The following ERN1 variants were observed in gnomAD, a reference collection of about 807,000 sequenced individuals.
The protein encoded by ERN1 is endoplasmic reticulum to nucleus signaling 1.
ERN1 carries 39 observed loss-of-function variants against 113.1 expected under a neutral mutation model. That is an observed-to-expected ratio of 0.34 (90% CI 0.27 to 0.45). ERN1 has a LOEUF of 0.45. Among genes scored for constraint, ERN1 ranks in the 20% least tolerant of loss-of-function variants. ERN1 has a pLI of 1.00. For synonymous variants in ERN1, 507 were observed against 515.9 expected (o/e 0.98, Z 0.23); for missense variants, 976 against 1,274.8 (o/e 0.77, Z 3.57).
chr17:64,092,875 C>T lies in ERN1; in HGVS notation c.175+5246G>A, dbSNP rs991602540. Among the ~76,000 whole-genome samples, 5 of 152,140 alleles carry T rather than the reference C, an allele frequency of 3.3e-5. No individual in the cohort carries two copies. The South Asian group carries it at 1.0e-3, about 32-fold the overall frequency. On this transcript the variant is annotated intron_variant, in intron 2 of 21. Coordinates refer to ENST00000433197, the MANE Select transcript of ERN1 (RefSeq NM_001433.5). ...GCAACATTCTCAGTTTGCATTTCGT[C>T]TAAAAGTACAGAGATGAAATATATT...
chr17:64,118,170 C>G (rs1442571628), intron 1 of ERN1, among the ~76,000 whole-genome samples: 1 of 152,124 alleles, frequency 6.6e-6, no homozygotes, highest in East Asian at 1.9e-4. Flanking sequence ...CATTTGGAAA[C>G]AGGCCCACCA....
chr17:64,100,295 T>C (rs1412129618), intron 1 of ERN1, among the ~76,000 whole-genome samples: 1 of 152,082 alleles, frequency 6.6e-6, no homozygotes, highest in African/African-American at 2.4e-5. Context: ...GGCTGGATTA[T>C]GTTAGGTGTG....
At chr17:64,086,708 A>G (rs570099824) in intron 2 of ERN1, among the ~76,000 whole-genome samples, 23 of 118,278 alleles carry the variant, frequency 1.9e-4, no homozygotes, top group South Asian at 6.0e-4. Flanking sequence ...GTGCAGTGGC[A>G]CAATCTCAGC....
chr17:64,085,576 T>C (rs912048219), intron 2 of ERN1, among the ~76,000 whole-genome samples: 1 of 152,146 alleles, frequency 6.6e-6, no homozygotes, highest in Non-Finnish European at 1.5e-5. Flanking sequence ...GAGGGTCAAA[T>C]ATTCAAACTA....
chr17:64,085,199 G>C (rs1913887605), intron 2 of ERN1, among the ~76,000 whole-genome samples: 5 of 152,120 alleles, frequency 3.3e-5, no homozygotes, highest in Admixed American at 3.3e-4. Context: ...TTCCTATAAA[G>C]GAATACCTGA....
In ERN1 at chr17:64,098,191, C is replaced by T. The variant is rs760901539; in HGVS notation, c.105G>A (p.Val35=). 1.2e-6 allele frequency: 2 copies of T among 1,613,952 alleles called. No individual in the cohort carries two copies. The highest frequency in any genetic ancestry group is 1.7e-6 in the Non-Finnish European group (2 of 1,179,872). ...TVTLPETLLF[V]STLDGSLHAV... is the part of the protein sequence containing the mutation. Reference sequence around the variant, plus strand: ...CATGCAAACTTCCATCCAGCGTTGACACAAACAACAAGGTTTCAGGAAGCG... The same window carrying T: ...CATGCAAACTTCCATCCAGCGTTGATACAAACAACAAGGTTTCAGGAAGCG... Residue 35 remains valine (V), a synonymous_variant, in exon 2 of 22, where the codon GTG becomes GTA. Coordinates refer to ENST00000433197, the MANE Select transcript of ERN1 (RefSeq NM_001433.5).
chr17:64,054,232 TA>T lies in ERN1; in HGVS notation c.1953+17del, dbSNP rs745334757. On this transcript the variant is annotated intron_variant, in intron 15 of 21. Transcript: ENST00000433197. The surrounding 1 kb of genome is among the most constrained non-coding windows in gnomAD (Gnocchi z 4.9). ...TATGACTTTAATAAAGTTAACAAAATAAAAAAAATAAATCCACCTCTTGCAG... is the reference window on the plus strand; with the variant it reads ...TATGACTTTAATAAAGTTAACAAAATAAAAAAATAAATCCACCTCTTGCAG... 12 of 1,586,486 alleles carry T rather than the reference TA, an allele frequency of 7.6e-6. No individual in the cohort carries two copies. The highest frequency in any genetic ancestry group is 1.1e-5 in the South Asian group (1 of 87,778).
intron 5 of ERN1, 84 bp downstream of exon 5, chr17:64,075,091 C>T (rs1182123021): frequency 1.2e-5 from 13 of 1,111,094 alleles, no homozygotes; most frequent in Admixed American, 1.0e-4. Context: ...GCGGTGACTG[C>T]GCCCTCTCTC....
chr17:64,075,672 A>G (rs1913570135), intron 4 of ERN1, among the ~76,000 whole-genome samples: 1 of 152,236 alleles, frequency 6.6e-6, no homozygotes, highest in African/African-American at 2.4e-5. Flanking sequence ...ACTTGACACC[A>G]TGTGCAGAGG....
intron 1 of ERN1, among the ~76,000 whole-genome samples, chr17:64,111,841 C>T (rs1914680438): frequency 6.6e-6 from 1 of 152,076 alleles, no homozygotes; most frequent in South Asian, 2.1e-4. Flanking sequence ...AAGAGTTATA[C>T]AAATATTAAG....
chr17:64,043,771 G>A lies in ERN1; in HGVS notation c.*217C>T. 1 of 448,868 alleles carries A rather than the reference G, an allele frequency of 2.2e-6. No homozygotes were observed. Among genetic ancestry groups the A allele is most frequent in the Non-Finnish European group, 3.9e-6 (1 of 254,276 alleles). The allele number at this position is 448,868 out of a possible 1,614,324, so 27.8% of individuals were successfully genotyped here. ...GACATCATGACCGTAAGGCTTTTGGGGCCAGCATCTTCCCAGTTCCCTGTA... is the reference window on the plus strand; with the variant it reads ...GACATCATGACCGTAAGGCTTTTGGAGCCAGCATCTTCCCAGTTCCCTGTA... On this transcript the variant is annotated 3_prime_UTR_variant, in exon 22 of 22. Transcript: ENST00000433197.
chr17:64,095,819 C>T (rs1462227937), intron 2 of ERN1, among the ~76,000 whole-genome samples: 1 of 152,178 alleles, frequency 6.6e-6, no homozygotes, highest in African/African-American at 2.4e-5. Flanking sequence ...GCTCCTGCAC[C>T]CTAGACCTGC....
At chr17:64,096,504 GA>G (rs1218145917) in intron 2 of ERN1, among the ~76,000 whole-genome samples, 11 of 152,172 alleles carry the variant, frequency 7.2e-5, no homozygotes, top group Non-Finnish European at 1.2e-4. Context: ...AATAATTATA[GA>G]AATAAAGTGC....
chr17:64,091,691 C>G (rs563946531), intron 2 of ERN1, among the ~76,000 whole-genome samples: 4 of 152,158 alleles, frequency 2.6e-5, no homozygotes, highest in Admixed American at 2.6e-4. Flanking sequence ...CCAGAGGTCT[C>G]CAAGGCCTGG....
chr17:64,091,775 C>T (rs188549188), intron 2 of ERN1, among the ~76,000 whole-genome samples: 21 of 151,908 alleles, frequency 1.4e-4, no homozygotes, highest in African/African-American at 2.2e-4. Context: ...GGCGGGGGGG[C>T]GGCGGTGAGA....
intron 1 of ERN1, among the ~76,000 whole-genome samples, chr17:64,126,539 G>C (rs1321756444): frequency 6.6e-6 from 1 of 151,706 alleles, no homozygotes; most frequent in African/African-American, 2.4e-5. Context: ...ACTCTCTCTC[G>C]AATAACTCTC....
chr17:64,054,285 T>C lies in ERN1; in HGVS notation c.1918A>G (p.Ile640Val). The C allele has an allele frequency of 1.2e-6, 2 of 1,613,762 alleles. No individual in the cohort carries two copies. Among genetic ancestry groups the C allele is most frequent in the South Asian group, 1.1e-5 (1 of 91,010 alleles). Residue 640 changes from isoleucine to valine, a missense_variant, in exon 15 of 22, where the codon ATT (isoleucine) becomes GTT (valine). Around this residue, in one of 5 missense-constraint regions of ERN1, gnomAD observed 297 missense variants for 457.8 expected, o/e 0.65. Transcript: ENST00000433197. This position sits in a 1 kb window ranked among gnomAD's most constrained non-coding sequence, Gnocchi z 4.9. ...GTGGCTGCACACAGCTCGATGGCAATGTACTGGAATTGCCGGTCCTTCTCC... is the reference window on the plus strand; with the variant it reads ...GTGGCTGCACACAGCTCGATGGCAACGTACTGGAATTGCCGGTCCTTCTCC... ...CTEKDRQFQY[I>V]AIELCAATLQ...
In ERN1 at chr17:64,053,325, G is replaced by A; in HGVS notation, c.2000C>T (p.Thr667Ile). Reference sequence around the variant, plus strand: ...GCCCGAGGTGGTCTGCTGCAGCAAGGTGATGGGCTCCAGGCCGAGATGCGC... The same window carrying A: ...GCCCGAGGTGGTCTGCTGCAGCAAGATGATGGGCTCCAGGCCGAGATGCGC... ...DFAHLGLEPI[T>I]LLQQTTSGLA... Residue 667 changes from threonine to isoleucine, a missense_variant, in exon 16 of 22, where the codon ACC becomes ATC. This residue lies in a region of ERN1 where 297 missense variants were observed against 457.8 expected (regional missense o/e 0.65). Coordinates refer to ENST00000433197, the MANE Select transcript of ERN1 (RefSeq NM_001433.5). The A allele has an allele frequency of 7.4e-6, 12 of 1,612,088 alleles. No individual in the cohort carries two copies. Among genetic ancestry groups the A allele is most frequent in the Non-Finnish European group, 9.3e-6 (11 of 1,179,274 alleles).
At chr17:64,071,098 A>C (rs1298004814) in intron 6 of ERN1, among the ~76,000 whole-genome samples, 2 of 152,220 alleles carry the variant, frequency 1.3e-5, no homozygotes, top group Admixed American at 6.5e-5. Flanking sequence ...AGGAAACACA[A>C]AATGGTGCGG....
Sources: gnomAD v4.1 joint callset for allele counts (sites outside exome capture counted in the v4.1 genomes callset) on GRCh38, gnomAD v4.1.1 for gene constraint, gnomAD v4.1.1 regional missense constraint, Gnocchi (gnomAD v3.1) non-coding constraint, MANE v1.5 for transcripts, NCBI Gene and HGNC (gene_info 2026-07-23, HGNC 2026-07-21) for gene names.